Variants in PRSS23 observed in about 807,000 individuals in gnomAD.
The protein encoded by PRSS23 is serine protease 23.
PRSS23 carries 25 observed loss-of-function variants against 34.7 expected under a neutral mutation model. The observed-to-expected ratio is 0.72, with a 90% CI of 0.53 to 1.01. The LOEUF (loss-of-function observed/expected upper bound fraction) is 1.01, where lower values mean the gene tolerates loss of function less well. Ranked by LOEUF, PRSS23 falls within the 50% of genes least tolerant of loss-of-function variation. The pLI, the probability that PRSS23 is intolerant of heterozygous loss-of-function variation, is 0.00. For synonymous variants in PRSS23, 176 were observed against 186.6 expected (o/e 0.94, Z 0.46); for missense variants, 445 against 475.6 (o/e 0.94, Z 0.60).
At chr11:86,912,441 C>T (rs995330761) in intron 2 of PRSS23, among the ~76,000 whole-genome samples, 7 of 152,124 alleles carry the variant, frequency 4.6e-5, no homozygotes, top group Non-Finnish European at 1.0e-4. Context: ...GGCCTACTTT[C>T]CCTGAGGCTC....
At chr11:86,798,869 A>AT (rs1441735180), upstream of PRSS23, among the ~76,000 whole-genome samples, 4 of 151,904 alleles carry the variant, frequency 2.6e-5, no homozygotes, top group African/African-American at 7.3e-5. Context: ...GGTTTTTTGT[A>AT]TTTTTTATAG....
intron 2 of PRSS23, among the ~76,000 whole-genome samples, chr11:86,838,391 G>A (rs1284444080): frequency 6.6e-6 from 1 of 152,154 alleles, no homozygotes. Flanking sequence ...CAACCTGTGG[G>A]GCTGCAGCTT....
chr11:86,934,172 C>G (rs1902425), intron 2 of PRSS23: 1 of 151,988 alleles, frequency 6.6e-6, no homozygotes, highest in Non-Finnish European at 1.5e-5. Flanking sequence ...TACAGCAAAT[C>G]ATCATGAGAG....
At chr11:86,829,882 G>T (rs1056234517) in intron 2 of PRSS23, among the ~76,000 whole-genome samples, 1 of 152,166 alleles carries the variant, frequency 6.6e-6, no homozygotes, top group African/African-American at 2.4e-5. Context: ...GCCGTGTGAG[G>T]TGTCAGTCTG....
At position 86,821,628 on chromosome 11, in the gene PRSS23, T is replaced by G. The variant is rs1294223883; in HGVS notation, c.-11-1749T>G. 5.0e-6 allele frequency: 8 copies of G among 1,596,878 alleles called. No individual in the cohort carries two copies. The East Asian group carries it at 1.3e-4, about 27-fold the overall frequency. Reference sequence around the variant, plus strand: ...CTTAAATGTTCATACTTCCATAACTTTCATCTTGGCCTTCAGCTGGTTCAA... The same window carrying G: ...CTTAAATGTTCATACTTCCATAACTGTCATCTTGGCCTTCAGCTGGTTCAA... On this transcript the variant is annotated intron_variant, in intron 1 of 2. Transcript: ENST00000533902.
chr11:86,911,101 C>T (rs1045878625), intron 2 of PRSS23: 2 of 151,946 alleles, frequency 1.3e-5, no homozygotes, highest in Non-Finnish European at 2.9e-5. Context: ...GTAAAGATTT[C>T]CTTATTTGTC....
At chr11:86,834,747 A>G (rs1386287076) in intron 2 of PRSS23, among the ~76,000 whole-genome samples, 7 of 152,054 alleles carry the variant, frequency 4.6e-5, no homozygotes, top group Admixed American at 3.9e-4. Context: ...ATATTGCTGC[A>G]TGGGCATGGA....
intron 2 of PRSS23, among the ~76,000 whole-genome samples, chr11:86,843,135 A>G (rs1175819574): frequency 6.6e-6 from 1 of 152,212 alleles, no homozygotes; most frequent in Non-Finnish European, 1.5e-5. Context: ...CAACCATCTG[A>G]TCTTTGACAA....
In PRSS23 at chr11:86,911,204, A is replaced by C. The variant is rs565327966; in HGVS notation, c.207-40012A>C. On this transcript the variant is annotated intron_variant, in intron 2 of 2. Transcript: ENST00000533902. The stretch of plus-strand genomic sequence containing the variant: ...ATTAGGGAATGATTGAATTATAAAT[A>C]AAAAAGAGCAGGAGAGTATTTTATA... 3.3e-5 allele frequency: 5 copies of C among 152,280 alleles called. No homozygotes were observed. The East Asian group carries it at 9.6e-4, about 29-fold the overall frequency. 9.4% of individuals were successfully genotyped at this position (152,280 alleles called of 1,614,324 possible). A position where few individuals can be genotyped will look rare whatever the true frequency, so the allele number is the denominator to read the frequency against.
chr11:86,805,655 G>A (rs1948091956), intron 1 of PRSS23, among the ~76,000 whole-genome samples: 1 of 152,052 alleles, frequency 6.6e-6, no homozygotes. Context: ...GACTGAAGTG[G>A]AAGCCAAGAG....
intron 2 of PRSS23, among the ~76,000 whole-genome samples, chr11:86,885,387 C>G (rs976742823): frequency 6.6e-5 from 10 of 152,228 alleles, no homozygotes; most frequent in Admixed American, 1.3e-4. Context: ...ATATTCACTC[C>G]TATGATGGTT....
chr11:86,865,934 A>G (rs1388092244), intron 2 of PRSS23, among the ~76,000 whole-genome samples: 1 of 152,246 alleles, frequency 6.6e-6, no homozygotes, highest in Non-Finnish European at 1.5e-5. Flanking sequence ...TTAAAAAACC[A>G]TAGGCCTGAG....
intron 2 of PRSS23, among the ~76,000 whole-genome samples, chr11:86,842,588 A>T (rs1488580071): frequency 6.6e-6 from 1 of 152,236 alleles, no homozygotes; most frequent in African/African-American, 2.4e-5. Flanking sequence ...AAGTCTCAGG[A>T]TACAAATTCA....
intron 2 of PRSS23, among the ~76,000 whole-genome samples, chr11:86,834,548 TTCCTTTTTCCTTTCCTTTCCTTTCC>T (rs1398110579): frequency 9.7e-5 from 13 of 134,364 alleles, no homozygotes; most frequent in Admixed American, 2.3e-4. Context: ...TTCCTTTCCT[TTCCTTTTTCCTTTCCTTTCCTTTCC>T]TTTCCTTTCC....
intron 2 of PRSS23, among the ~76,000 whole-genome samples, chr11:86,855,292 GA>G (rs1473274008): frequency 6.6e-6 from 1 of 152,148 alleles, no homozygotes; most frequent in African/African-American, 2.4e-5. Flanking sequence ...AGAAAGTTAG[GA>G]AGCTTCTTTC....
chr11:86,831,346 A>G (rs1009895271), intron 2 of PRSS23, among the ~76,000 whole-genome samples: 2 of 151,124 alleles, frequency 1.3e-5, no homozygotes, highest in African/African-American at 4.9e-5. Context: ...AATATCCTAG[A>G]AAGTTGTTAC....
rs546497380 is a variant in PRSS23 at position 86,842,372 on chromosome 11, C to A, written c.206+18779C>A. ...GAAGCATTCCCTTTGAAAACTGGCA[C>A]AAGACAACGATGGCCTCTCTCACCA... On this transcript the variant is annotated intron_variant, in intron 2 of 2. Coordinates refer to the PRSS23 transcript ENST00000533902. Among the ~76,000 whole-genome samples, 14 of 152,306 alleles carry A rather than the reference C, an allele frequency of 9.2e-5. No individual in the cohort carries two copies. In the South Asian group the frequency reaches 2.7e-3, roughly 29 times the overall value.
intron 1 of PRSS23, among the ~76,000 whole-genome samples, chr11:86,822,924 G>C (rs932982728): frequency 1.3e-5 from 2 of 152,190 alleles, no homozygotes; most frequent in African/African-American, 4.8e-5. Flanking sequence ...CCAAGCCATT[G>C]ACCAGAACCA....
chr11:86,931,927 G>A (rs1301514931), intron 2 of PRSS23, among the ~76,000 whole-genome samples: 1 of 152,140 alleles, frequency 6.6e-6, no homozygotes, highest in African/African-American at 2.4e-5. Flanking sequence ...TATTATTGGG[G>A]ACCAAATAAA....
Sources: allele counts gnomAD v4.1 joint callset (sites outside exome capture counted in the v4.1 genomes callset), GRCh38; gene constraint gnomAD v4.1.1; transcripts MANE v1.5; gene names NCBI Gene and HGNC (gene_info 2026-07-23, HGNC 2026-07-21).